The following DNAH17 variants were observed in gnomAD, a reference collection of about 807,000 sequenced individuals.
DNAH17 encodes dynein axonemal heavy chain 17, also known as axonemal beta dynein heavy chain 17.
Under a neutral mutation model 485.6 loss-of-function variants are expected in DNAH17, and 376 were observed. That is an observed-to-expected ratio of 0.77 (90% CI 0.71 to 0.84). The LOEUF (loss-of-function observed/expected upper bound fraction) is 0.84, where lower values mean the gene tolerates loss of function less well. Ranked by LOEUF, DNAH17 falls within the 40% of genes least tolerant of loss-of-function variation. The pLI is 0.00. For synonymous variants in DNAH17, 3,031 were observed against 2,405.9 expected, an observed-to-expected ratio of 1.26 and a Z score of -7.60; for missense variants, 6,370 against 5,839.3, an observed-to-expected ratio of 1.09 and a Z score of -2.96.
At chr17:78,464,732 C>T (rs922838197) in intron 56 of DNAH17, among the ~76,000 whole-genome samples, 13 of 152,224 alleles carry the variant, frequency 8.5e-5, no homozygotes, top group African/African-American at 2.7e-4. Context: ...CCGATCTGTC[C>T]GCACGCTGCA....
chr17:78,533,408 C>T (rs1005077023), intron 19 of DNAH17, among the ~76,000 whole-genome samples: 3 of 152,164 alleles, frequency 2.0e-5, no homozygotes, highest in Non-Finnish European at 2.9e-5. Context: ...GCAAGAGAAG[C>T]GGCTTTCCTG....
intron 19 of DNAH17, among the ~76,000 whole-genome samples, chr17:78,534,881 G>T (rs1299784177): frequency 6.6e-6 from 1 of 152,074 alleles, no homozygotes; most frequent in East Asian, 1.9e-4. Flanking sequence ...TGGCCACCCT[G>T]GTACCCATGG....
intron 3 of DNAH17, among the ~76,000 whole-genome samples, chr17:78,572,102 G>A (rs4969150): frequency 0.26 from 38,879 of 152,082 alleles, 6,134 homozygotes; most frequent in Admixed American, 0.46. Context: ...TGTCACCACC[G>A]GACATGGTGC....
At position 78,571,259 on chromosome 17, in the gene DNAH17, T is replaced by C. The variant is rs374949361; in HGVS notation, c.832+20A>G. The C allele has an allele frequency of 4.6e-5, 73 of 1,603,338 alleles. 1 individual carries two copies. The highest frequency in any genetic ancestry group is 4.1e-4 in the African/African-American group (31 of 74,870). ...CACAAACAGCTTCGTGCAGAACTCA[T>C]GACAGGGTCACAGGCTCACCTTCAG... On this transcript the variant is annotated intron_variant, in intron 5 of 80. Coordinates refer to ENST00000389840, the MANE Select transcript of DNAH17 (RefSeq NM_173628.4).
chr17:78,537,284 G>T lies in DNAH17; in HGVS notation c.2859+15C>A. The T allele has an allele frequency of 6.4e-7, 1 of 1,551,194 alleles. No individual in the cohort carries two copies. The highest frequency in any genetic ancestry group is 1.9e-5 in the Admixed American group (1 of 51,288). On this transcript the variant is annotated intron_variant, in intron 19 of 80. Transcript: ENST00000389840. ...TGGATGACCCTGTGTACGGCCAGAA[G>T]AGGCCAGGACTGACCTTGTAGTTCA...
chr17:78,558,418 C>T (rs1210273609), intron 13 of DNAH17, among the ~76,000 whole-genome samples, 164 bp from the exon 14 acceptor site: 1 of 135,344 alleles, frequency 7.4e-6, no homozygotes, highest in African/African-American at 2.7e-5. Flanking sequence ...ACGTTTTCAC[C>T]CTGTTGGCTG....
chr17:78,551,517 G>A lies in DNAH17; in HGVS notation c.2391+18C>T, dbSNP rs779362436. On this transcript the variant is annotated intron_variant, in intron 16 of 80. Transcript: ENST00000389840. Reference sequence around the variant, plus strand: ...AGGCCCCCACAAAGCCCCACTCTGTGCTCTGCCCCTTGCTTACCTTCATAG... The same window carrying A: ...AGGCCCCCACAAAGCCCCACTCTGTACTCTGCCCCTTGCTTACCTTCATAG... The A allele has an allele frequency of 3.1e-6, 5 of 1,611,446 alleles. No individual in the cohort carries two copies. The highest frequency in any genetic ancestry group is 4.2e-6 in the Non-Finnish European group (5 of 1,177,536).
intron 66 of DNAH17, 149 bp downstream of exon 66, chr17:78,451,320 G>T: frequency 3.0e-6 from 2 of 656,830 alleles, no homozygotes; most frequent in Non-Finnish European, 2.5e-6. Context: ...ATGAGAAGCT[G>T]TGATGCCGTG....
In DNAH17 at chr17:78,423,899, G is replaced by A; in HGVS notation, c.*7C>T. On this transcript the variant is annotated 3_prime_UTR_variant, in exon 81 of 81. Transcript: ENST00000389840. The stretch of plus-strand genomic sequence containing the variant: ...CCAGGGAGTGTGGGCTGTGAGGCAG[G>A]AGCGAGCTAAACCTGTAGGAGCAGC... The A allele has an allele frequency of 1.9e-6, 3 of 1,613,702 alleles. No individual in the cohort carries two copies. The highest frequency in any genetic ancestry group is 2.5e-6 in the Non-Finnish European group (3 of 1,179,756).
chr17:78,501,468 C>G lies in DNAH17; in HGVS notation c.5323-124G>C. 9.7e-6 allele frequency: 12 copies of G among 1,232,212 alleles called. No individual in the cohort carries two copies. In the South Asian group the frequency reaches 1.7e-4, roughly 18 times the overall value. The allele number at this position is 1,232,212 out of a possible 1,614,324, so 76.3% of individuals were successfully genotyped here. ...CAGGGAACCCTCCCTGGCCCTCTTTCCCCCTCCAGCACCCACATCCAACTG... is the reference window on the plus strand; with the variant it reads ...CAGGGAACCCTCCCTGGCCCTCTTTGCCCCTCCAGCACCCACATCCAACTG... On this transcript the variant is annotated intron_variant, in intron 34 of 80. Transcript: ENST00000389840.
chr17:78,488,677 G>A (rs1264042427), intron 44 of DNAH17, among the ~76,000 whole-genome samples: 1 of 152,228 alleles, frequency 6.6e-6, no homozygotes, highest in Non-Finnish European at 1.5e-5. Flanking sequence ...AACCCAGAAT[G>A]TGCCCTGATT....
At chr17:78,507,163 C>A (rs911530581) in intron 29 of DNAH17, 115 bp downstream of exon 29, 10 of 1,200,576 alleles carry the variant, frequency 8.3e-6, no homozygotes, top group African/African-American at 1.5e-5. Flanking sequence ...ACCCAGGACC[C>A]ATGGTTTTGC....
rs557211340 is a variant in DNAH17, at chr17:78,560,696, G to A, written c.2031+44C>T. ...GGGAACCTTGGCAGGCCCTCCCCCC[G>A]CTCCCAAGGAGCCTTTGACGCGGTC... On this transcript the variant is annotated intron_variant, in intron 13 of 80. Coordinates refer to ENST00000389840, the MANE Select transcript of DNAH17 (RefSeq NM_173628.4). The A allele has an allele frequency of 7.7e-5, 115 of 1,500,514 alleles. No homozygotes were observed. The African/African-American group carries it at 7.8e-4, about 10-fold the overall frequency. 92.9% of individuals were successfully genotyped at this position (1,500,514 alleles called of 1,614,324 possible).
At chr17:78,576,803 A>G (rs1403457187) in intron 1 of DNAH17, among the ~76,000 whole-genome samples, 1 of 152,106 alleles carries the variant, frequency 6.6e-6, no homozygotes, top group African/African-American at 2.4e-5. Context: ...AAGCCATAAC[A>G]TGTGTGGGCT....
chr17:78,426,626 G>A (rs201996489), intron 78 of DNAH17, 26 bp from the exon 79 acceptor site: 47 of 1,576,610 alleles, frequency 3.0e-5, no homozygotes, highest in South Asian at 1.3e-4. Flanking sequence ...ATGGGTGTGG[G>A]GAGCCCTGAG....
At chr17:78,565,325 A>G (rs1362367044) in intron 11 of DNAH17, among the ~76,000 whole-genome samples, 1 of 152,252 alleles carries the variant, frequency 6.6e-6, no homozygotes, top group Non-Finnish European at 1.5e-5. Context: ...ATTTGCATTC[A>G]TTGATATTTT....
At position 78,485,657 on chromosome 17, in the gene DNAH17, G is replaced by A. The variant is rs372836221; in HGVS notation, c.7376C>T (p.Thr2459Met). 33 of 1,613,878 alleles carry A rather than the reference G, an allele frequency of 2.0e-5. No homozygotes were observed. In the East Asian group the frequency reaches 2.7e-4, roughly 13 times the overall value. ...WPVMLVGNAG[T>M]GKSVLMGDKL... ...GTCCCCCATCAGCACCGACTTGCCC[G>A]TCCCCGCGTTCCCCACCAGCATCAC... The change falls in exon 47 of 81, where the codon ACG becomes ATG. Residue 2459 changes from threonine to methionine, a missense_variant. Physicochemically the swap from Thr to Met is moderately conservative, Grantham distance 81. Coordinates refer to ENST00000389840, the MANE Select transcript of DNAH17 (RefSeq NM_173628.4).
At chr17:78,527,194 G>T (rs1305581834) in intron 22 of DNAH17, among the ~76,000 whole-genome samples, 198 bp from the exon 23 acceptor site, 1 of 151,998 alleles carries the variant, frequency 6.6e-6, no homozygotes, top group Non-Finnish European at 1.5e-5. Context: ...ACCAGCCTGG[G>T]CAACAAAGTG....
In DNAH17 at chr17:78,569,236, G is replaced by A; in HGVS notation, c.1214C>T (p.Pro405Leu). The A allele has an allele frequency of 6.2e-7, 1 of 1,607,650 alleles. No individual in the cohort carries two copies. Residue 405 changes from proline to leucine, a missense_variant, in exon 9 of 81, where the codon CCT becomes CTT. Transcript: ENST00000389840. ...KLFFKDKEPVPWEFPSSLAFS... is the reference protein window; with the variant it reads ...KLFFKDKEPVLWEFPSSLAFS... ...GGCAAGAGAAGAAGGGAATTCCCAA[G>A]GCACGGGCTCTTTGTCCTTAGAGGA...
Sources: allele counts gnomAD v4.1 joint callset (sites outside exome capture counted in the v4.1 genomes callset), GRCh38; gene constraint gnomAD v4.1.1; transcripts MANE v1.5; gene names NCBI Gene and HGNC (gene_info 2026-07-23, HGNC 2026-07-21).